The following MROH2B variants were observed in gnomAD, a reference collection of about 807,000 sequenced individuals.
MROH2B encodes maestro heat-like repeat-containing protein family member 2B.
A neutral mutation model predicts 208.6 loss-of-function variants in MROH2B; 177 were observed. The ratio of observed to expected loss-of-function variants is 0.85; its 90% CI spans 0.75 to 0.96. The LOEUF is 0.96. MROH2B is among the 40% of genes least tolerant of loss of function. The pLI is 0.00. For missense variants in MROH2B, 2,002 were observed against 1,878.7 expected, an observed-to-expected ratio of 1.07 and a Z score of -1.21; for synonymous variants, 728 against 659.0, an observed-to-expected ratio of 1.10 and a Z score of -1.60.
At chr5:41,050,119 C>T (rs1743242846) in intron 13 of MROH2B, among the ~76,000 whole-genome samples, 1 of 152,196 alleles carries the variant, frequency 6.6e-6, no homozygotes, top group African/African-American at 2.4e-5. Context: ...GTAATTGCTA[C>T]AAGTTGCATC....
At chr5:41,015,287 A>C (rs1253367852) in intron 29 of MROH2B, 94 bp downstream of exon 29, 1 of 1,109,682 alleles carries the variant, frequency 9.0e-7, no homozygotes, top group Non-Finnish European at 1.3e-6. Context: ...TTCAGCTTGA[A>C]TATCTATCTT....
At chr5:41,034,482 C>A (rs1209187008) in intron 21 of MROH2B, among the ~76,000 whole-genome samples, 1 of 152,066 alleles carries the variant, frequency 6.6e-6, no homozygotes, top group Non-Finnish European at 1.5e-5. Context: ...CTACCTCAGT[C>A]TACTGTGTGT....
chr5:41,018,395 C>T lies in MROH2B; in HGVS notation c.2709G>A (p.Trp903Ter). The change falls in exon 27 of 42, where the codon TGG becomes TGA. Residue 903 changes from tryptophan to a stop codon, truncating the protein, a stop_gained. Transcript: ENST00000399564. LOFTEE classifies it high-confidence loss of function. ...TGATCTGGAAGGCTCTTTCTCTTTC[C>T]CACTCTTTTTGTGAAACAAGCCACA... ...LQMWLVSQKE[W>*]ERERAFQITA... 6.2e-7 allele frequency: 1 copy of T among 1,613,132 alleles called. No homozygotes were observed. Among genetic ancestry groups the T allele is most frequent in the Non-Finnish European group, 8.5e-7 (1 of 1,179,712 alleles).
In MROH2B at chr5:41,010,084, A is replaced by T. The variant is rs1203052848; in HGVS notation, c.3136-5T>A. 1 of 1,611,782 alleles carries T rather than the reference A, an allele frequency of 6.2e-7. No homozygotes were observed. The highest frequency in any genetic ancestry group is 8.5e-7 in the Non-Finnish European group (1 of 1,179,034). ...TGTGCCTAAGATCTCCAATAGCTAAAGAGAAAAAAGCCAAGTCAAACATTA... is the reference window on the plus strand; with the variant it reads ...TGTGCCTAAGATCTCCAATAGCTAATGAGAAAAAAGCCAAGTCAAACATTA... On this transcript the variant is annotated splice_region_variant and splice_polypyrimidine_tract_variant and intron_variant, in intron 30 of 41. Transcript: ENST00000399564.
rs372890666 is a variant in MROH2B at position 41,008,638 on chromosome 5, C to T, written c.3576G>A (p.Gln1192=). ...GGTCTGGGATCTGCTGCTGTTCTCC[C>T]TGCTGCATCACATGCCGCCTATGGC... ...PWSHRRHVMQ[Q]GEQQQIPDPC... Residue 1192 remains glutamine, a synonymous_variant, in exon 33 of 42, where the codon CAG becomes CAA. Transcript: ENST00000399564. The T allele has an allele frequency of 3.7e-6, 6 of 1,613,806 alleles. No individual in the cohort carries two copies. Among genetic ancestry groups the T allele is most frequent in the Non-Finnish European group, 5.1e-6 (6 of 1,179,862 alleles).
chr5:41,037,570 G>A (rs1742805341), intron 21 of MROH2B, among the ~76,000 whole-genome samples: 1 of 152,108 alleles, frequency 6.6e-6, no homozygotes, highest in Admixed American at 6.6e-5. Context: ...AATTTCATGA[G>A]TCCTTATGAG....
chr5:41,042,442 C>G (rs989237104), intron 18 of MROH2B, among the ~76,000 whole-genome samples: 3 of 152,062 alleles, frequency 2.0e-5, no homozygotes, highest in Non-Finnish European at 2.9e-5. Flanking sequence ...ATATACTTCA[C>G]CCCCCATTGT....
chr5:41,045,335 T>C (rs765232257), intron 18 of MROH2B, among the ~76,000 whole-genome samples: 1 of 152,194 alleles, frequency 6.6e-6, no homozygotes, highest in Non-Finnish European at 1.5e-5. Flanking sequence ...CTTTTAGCTA[T>C]AAGCTTTTGT....
rs560752104 is a variant in MROH2B at position 41,000,558 on chromosome 5, T to C, written c.4350+120A>G. 5.1e-6 allele frequency: 7 copies of C among 1,378,714 alleles called. No homozygotes were observed. In the South Asian group the frequency reaches 1.1e-4, roughly 21 times the overall value. 85.4% of individuals were successfully genotyped at this position (1,378,714 alleles called of 1,614,324 possible). A position where few individuals can be genotyped will look rare whatever the true frequency, so the allele number is the denominator to read the frequency against. ...GAACCTAGAATTGGAGAAGAGGTTTTCAGGTTCAGCGCTAAGGGGTGACTT... is the reference window on the plus strand; with the variant it reads ...GAACCTAGAATTGGAGAAGAGGTTTCCAGGTTCAGCGCTAAGGGGTGACTT... On this transcript the variant is annotated intron_variant, in intron 38 of 41. Coordinates refer to ENST00000399564, the MANE Select transcript of MROH2B (RefSeq NM_173489.5).
chr5:41,035,136 T>C (rs371054753), intron 21 of MROH2B, among the ~76,000 whole-genome samples: 35 of 152,040 alleles, frequency 2.3e-4, no homozygotes, highest in African/African-American at 7.5e-4. Context: ...AAAGCCTGCA[T>C]AGCCAAAGCA....
chr5:41,005,422 C>T lies in MROH2B; in HGVS notation c.3864+109G>A, dbSNP rs112233244. On this transcript the variant is annotated intron_variant, in intron 35 of 41. Coordinates refer to ENST00000399564, the MANE Select transcript of MROH2B (RefSeq NM_173489.5). ...GTCTCTCCTCTATGAAACCCCCCCC[C>T]CCCTTGAAGTCTCTCTTCCCTGGTT... The T allele has an allele frequency of 1.1e-4, 17 of 151,116 alleles. 4 individuals are homozygous for T. Among genetic ancestry groups the T allele is most frequent in the East Asian group, 4.3e-4 (4 of 9,354 alleles). The allele number at this position is 151,116 out of a possible 1,614,324, so 9.4% of individuals were successfully genotyped here. A position where few individuals can be genotyped will look rare whatever the true frequency, so the allele number is the denominator to read the frequency against.
chr5:41,046,388 C>A (rs1282284679), intron 17 of MROH2B, among the ~76,000 whole-genome samples: 1 of 151,986 alleles, frequency 6.6e-6, no homozygotes, highest in Admixed American at 6.6e-5. Flanking sequence ...GACAGGGTCA[C>A]AATCAGTCCT....
intron 24 of MROH2B, among the ~76,000 whole-genome samples, chr5:41,029,515 A>C (rs6873094): frequency 0.6 from 91,269 of 151,510 alleles, 27,938 homozygotes; most frequent in Non-Finnish European, 0.66. Flanking sequence ...GTAGGCCAAG[A>C]TTTTGATGTG....
intron 6 of MROH2B, among the ~76,000 whole-genome samples, chr5:41,060,891 TA>T (rs1486311884): frequency 2.6e-5 from 4 of 152,158 alleles, no homozygotes; most frequent in African/African-American, 9.7e-5. Flanking sequence ...GAAAAGAAAC[TA>T]AACTAGAGAA....
In MROH2B at chr5:41,009,273, A is replaced by C. The variant is rs765855853; in HGVS notation, c.3420+7T>G. On this transcript the variant is annotated splice_region_variant and intron_variant, in intron 32 of 41. Transcript: ENST00000399564. ...GGCAAGTGATGGGTTCAGGCTGTCC[A>C]ACTCACTGAAATTGCCTCAACCCTG... is the stretch of plus-strand genomic sequence containing the variant. 4.3e-6 allele frequency: 7 copies of C among 1,613,798 alleles called. No individual in the cohort carries two copies. In the South Asian group the frequency reaches 5.5e-5, roughly 13 times the overall value.
In MROH2B at chr5:41,010,002, T is replaced by C. The variant is rs779461530; in HGVS notation, c.3213A>G (p.Leu1071=). 7 of 1,613,912 alleles carry C rather than the reference T, an allele frequency of 4.3e-6. No homozygotes were observed. Among genetic ancestry groups the C allele is most frequent in the Non-Finnish European group, 5.9e-6 (7 of 1,179,826 alleles). The change falls in exon 31 of 42, where the codon CTA becomes CTG. Residue 1071 remains leucine, a synonymous_variant. Coordinates refer to ENST00000399564, the MANE Select transcript of MROH2B (RefSeq NM_173489.5). The part of the protein sequence containing the change: ...RQKEESFQFI[L]EAISQIASFH... ...AGCTGGCTATCTGGGAGATGGCTTC[T>C]AGAATGAACTGAAAACTTTCTTCTT... is the stretch of plus-strand genomic sequence containing the variant.
intron 29 of MROH2B, among the ~76,000 whole-genome samples, chr5:41,013,989 A>G (rs536742587): frequency 2.6e-5 from 4 of 152,306 alleles, no homozygotes; most frequent in African/African-American, 9.6e-5. Flanking sequence ...GTCTCCACAT[A>G]GCTGCCAGAG....
Position 41,018,782 on chromosome 5 carries a change from A to G in MROH2B, c.2582T>C (p.Leu861Pro). ...TDKDKEHIQF[L>P]YERSMDALGK... ...TAGGGCGTCCATGGATCGTTCATAG[A>G]GAAACTGAAATCAAATATGTGTGTG... The change falls in exon 26 of 42, where the codon CTC (leucine) becomes CCC (proline). Residue 861 changes from leucine (L) to proline (P), a missense_variant. By Grantham distance (98) the Leu-to-Pro change is moderately conservative. Transcript: ENST00000399564. 6.2e-7 allele frequency: 1 copy of G among 1,613,896 alleles called. No homozygotes were observed. The highest frequency in any genetic ancestry group is 1.3e-5 in the African/African-American group (1 of 75,040).
At chr5:41,028,840 T>C (rs151238119) in intron 24 of MROH2B, among the ~76,000 whole-genome samples, 2 of 152,142 alleles carry the variant, frequency 1.3e-5, no homozygotes, top group South Asian at 4.1e-4. Flanking sequence ...TTTTGTTACA[T>C]GGATGAGCTG....
Sources: allele counts gnomAD v4.1 joint callset (sites outside exome capture counted in the v4.1 genomes callset), GRCh38; gene constraint gnomAD v4.1.1; transcripts MANE v1.5; gene names NCBI Gene and HGNC (gene_info 2026-07-23, HGNC 2026-07-21).